CDH12: variants seen among roughly 807,000 people sequenced by gnomAD.
CDH12 encodes the protein cadherin-12.
A neutral mutation model predicts 74.1 loss-of-function variants in CDH12; 41 were observed. The observed-to-expected ratio is 0.55, with a 90% CI of 0.43 to 0.72. The LOEUF (loss-of-function observed/expected upper bound fraction) is 0.72, where lower values mean the gene tolerates loss of function less well. Ranked by LOEUF, CDH12 falls within the 30% of genes least tolerant of loss-of-function variation. The pLI, the probability that CDH12 is intolerant of heterozygous loss-of-function variation, is 0.00. For synonymous variants in CDH12, 399 were observed against 355.0 expected (o/e 1.12, Z -1.39); for missense variants, 945 against 977.2 (o/e 0.97, Z 0.44).
At chr5:22,417,485 A>G (rs908278107) in intron 2 of CDH12, among the ~76,000 whole-genome samples, 6 of 152,248 alleles carry the variant, frequency 3.9e-5, no homozygotes, top group Admixed American at 3.9e-4. Flanking sequence ...GCCTTTCACT[A>G]TGGGATGACG....
At chr5:22,397,945 T>A (rs1250988826) in intron 3 of CDH12, among the ~76,000 whole-genome samples, 1 of 151,908 alleles carries the variant, frequency 6.6e-6, no homozygotes, top group Admixed American at 6.6e-5. Context: ...TCAGAAGAAA[T>A]AAACCCTGCT....
chr5:22,291,583 C>G (rs560444333), intron 3 of CDH12, among the ~76,000 whole-genome samples: 1 of 152,098 alleles, frequency 6.6e-6, no homozygotes, highest in East Asian at 1.9e-4. Flanking sequence ...AAAAAGAAAG[C>G]AAGAAACCAA....
intron 1 of CDH12, among the ~76,000 whole-genome samples, chr5:22,751,333 A>AATATACATATATATAT (rs1745562502): frequency 1.4e-5 from 1 of 72,824 alleles, no homozygotes; most frequent in African/African-American, 4.8e-5. Context: ...ATATATATAT[A>AATATACATATATATAT]ATATACATAT....
chr5:22,018,157 T>C (rs112421688), intron 5 of CDH12, among the ~76,000 whole-genome samples: 195 of 152,262 alleles, frequency 1.3e-3, no homozygotes, highest in African/African-American at 4.6e-3. Context: ...GTTGATTAAA[T>C]TAGTTTGAAG....
At chr5:22,756,098 GAAAAAAAAAAA>G (rs60067455) in intron 1 of CDH12, among the ~76,000 whole-genome samples, 1 of 87,338 alleles carries the variant, frequency 1.1e-5, no homozygotes. Context: ...TTCAAGGACC[GAAAAAAAAAAA>G]AAAAAAAAAA....
chr5:22,690,694 GT>G (rs1424515068), intron 1 of CDH12, among the ~76,000 whole-genome samples: 1 of 152,040 alleles, frequency 6.6e-6, no homozygotes, highest in African/African-American at 2.4e-5. Context: ...CTTTTCTTTT[GT>G]GCCACTTGCA....
At chr5:21,858,096 C>T (rs150508143) in intron 6 of CDH12, among the ~76,000 whole-genome samples, 243 of 151,676 alleles carry the variant, frequency 1.6e-3, no homozygotes, top group Non-Finnish European at 3.1e-3. Flanking sequence ...ACCTTAATTA[C>T]CACCTGAAAG....
chr5:21,822,667 G>GCCCATC (rs1748438113), intron 8 of CDH12, among the ~76,000 whole-genome samples: 1 of 152,024 alleles, frequency 6.6e-6, no homozygotes, highest in African/African-American at 2.4e-5. Flanking sequence ...CCAGGATGAG[G>GCCCATC]CTAGGATGGG....
At chr5:22,706,051 A>G (rs950856218) in intron 1 of CDH12, among the ~76,000 whole-genome samples, 1 of 152,076 alleles carries the variant, frequency 6.6e-6, no homozygotes, top group Non-Finnish European at 1.5e-5. Flanking sequence ...GAGTAAATGT[A>G]TTTGCACAAT....
intron 6 of CDH12, among the ~76,000 whole-genome samples, chr5:21,878,801 G>GA (rs1752078829): frequency 2.9e-5 from 4 of 138,786 alleles, no homozygotes; most frequent in Non-Finnish European, 6.1e-5. Flanking sequence ...AAGAAAGAAA[G>GA]AAGAAAGAAA....
intron 5 of CDH12, among the ~76,000 whole-genome samples, chr5:21,995,694 T>G (rs1202205603): frequency 1.3e-5 from 2 of 151,582 alleles, no homozygotes; most frequent in African/African-American, 4.8e-5. Context: ...ATCTTCTGCT[T>G]GAAACTTTGT....
intron 1 of CDH12, among the ~76,000 whole-genome samples, chr5:22,781,419 C>G (rs927704117): frequency 3.2e-4 from 48 of 152,184 alleles, no homozygotes; most frequent in African/African-American, 1.1e-3. Context: ...TTTGCCGATG[C>G]CCCTTTTCTT....
At chr5:21,950,292 T>A (rs1267471364) in intron 6 of CDH12, among the ~76,000 whole-genome samples, 3 of 152,202 alleles carry the variant, frequency 2.0e-5, no homozygotes, top group Non-Finnish European at 4.4e-5. Context: ...AATTGCCTAA[T>A]GCATTTCTCA....
intron 1 of CDH12, among the ~76,000 whole-genome samples, chr5:22,578,040 T>C (rs140369394): frequency 2.2e-4 from 33 of 152,274 alleles, no homozygotes; most frequent in African/African-American, 7.9e-4. Context: ...GATGAAAATA[T>C]GTTGTTTGGC....
intron 1 of CDH12, among the ~76,000 whole-genome samples, chr5:22,646,280 G>A (rs531036260): frequency 6.6e-6 from 1 of 151,864 alleles, no homozygotes; most frequent in East Asian, 1.9e-4. Flanking sequence ...TGGTTAAGTG[G>A]AAATCAACTA....
intron 6 of CDH12, among the ~76,000 whole-genome samples, chr5:21,869,222 T>C (rs1751490117): frequency 1.3e-5 from 2 of 152,168 alleles, no homozygotes; most frequent in Non-Finnish European, 2.9e-5. Flanking sequence ...ATGTCTAGAA[T>C]ACAGAAGATC....
chr5:21,756,316 T>C (rs1426668852), intron 13 of CDH12, among the ~76,000 whole-genome samples: 1 of 152,110 alleles, frequency 6.6e-6, no homozygotes, highest in African/African-American at 2.4e-5. Flanking sequence ...TGTTTATAAA[T>C]ATATGTTATA....
At chr5:22,108,680 T>G (rs948455511) in intron 4 of CDH12, among the ~76,000 whole-genome samples, 1 of 152,208 alleles carries the variant, frequency 6.6e-6, no homozygotes, top group Non-Finnish European at 1.5e-5. Flanking sequence ...ATGGGCAACT[T>G]AAGCCTGAAG....
chr5:21,880,838 A>G (rs1752317734), intron 6 of CDH12, among the ~76,000 whole-genome samples: 1 of 151,760 alleles, frequency 6.6e-6, no homozygotes, highest in Non-Finnish European at 1.5e-5. Context: ...AGAAAGTTTC[A>G]TGGAGTCAGG....
Sources: allele counts gnomAD v4.1 joint callset (sites outside exome capture counted in the v4.1 genomes callset), GRCh38; gene constraint gnomAD v4.1.1; transcripts MANE v1.5; gene names NCBI Gene and HGNC (gene_info 2026-07-23, HGNC 2026-07-21).